PDE10A: variants seen among roughly 807,000 people sequenced by gnomAD.
The protein encoded by PDE10A is phosphodiesterase 10A, also known as cAMP and cAMP-inhibited cGMP 3',5'-cyclic phosphodiesterase 10A.
In PDE10A, 39 loss-of-function variants were observed where a neutral mutation model predicts 97.7. The ratio of observed to expected loss-of-function variants is 0.40; its 90% confidence interval spans 0.31 to 0.52. PDE10A has a LOEUF of 0.52. Ranked by LOEUF, PDE10A falls within the 20% of genes least tolerant of loss-of-function variation. PDE10A has a pLI of 0.56. For missense variants in PDE10A, 731 were observed against 1,047.8 expected (o/e 0.70, Z 4.17); for synonymous variants, 371 against 376.8 (o/e 0.98, Z 0.18).
At chr6:165,943,005 A>C (rs1002754495) in intron 1 of PDE10A, among the ~76,000 whole-genome samples, 14 of 151,542 alleles carry the variant, frequency 9.2e-5, no homozygotes, top group African/African-American at 3.4e-4. Flanking sequence ...CATGCATTTC[A>C]TCAAGACAAG....
intron 1 of PDE10A, chr6:165,946,905 T>C (rs1165783059): frequency 6.6e-6 from 1 of 152,200 alleles, no homozygotes; most frequent in African/African-American, 2.4e-5. Context: ...TATAATTTTA[T>C]AACCATTTTT....
At chr6:165,972,871 T>C (rs979754543) in intron 1 of PDE10A, among the ~76,000 whole-genome samples, 2 of 152,194 alleles carry the variant, frequency 1.3e-5, no homozygotes, top group African/African-American at 2.4e-5. Context: ...CAATAAAAAA[T>C]GTGTTTGACA....
rs369818098 is a variant in PDE10A at position 165,593,107 on chromosome 6, T to TA, written c.866-49540dup. Among the ~76,000 whole-genome samples the TA allele has an allele frequency of 3.1e-3, 476 of 152,262 alleles. 4 individuals carry two copies. The highest frequency in any genetic ancestry group is 0.011 in the African/African-American group (456 of 41,544). On this transcript the variant is annotated intron_variant, in intron 1 of 21. Transcript: ENST00000539869. ...AATGTGGCACATACACACCACGGAA[T>TA]ACTATGCAGCCATAAAAAAGGGTGA...
At chr6:165,394,525 CAT>C (rs1371395550) in intron 15 of PDE10A, among the ~76,000 whole-genome samples, 4 of 152,136 alleles carry the variant, frequency 2.6e-5, no homozygotes, top group Non-Finnish European at 5.9e-5. Context: ...CCACAATAAA[CAT>C]ATGTGTGCAC....
In PDE10A at chr6:165,345,146, C is replaced by T. The variant is rs141829714; in HGVS notation, c.2784-1644G>A. On this transcript the variant is annotated intron_variant, in intron 18 of 21. Transcript: ENST00000539869. ...TATTAATTTATATTCACCAAAATAA[C>T]GTATATCATGGTGAAATAATCTAAT... Among the ~76,000 whole-genome samples, 1,185 of 151,960 alleles carry T rather than the reference C, an allele frequency of 7.8e-3. 14 individuals carry two copies. The highest frequency in any genetic ancestry group is 0.027 in the African/African-American group (1,114 of 41,426).
rs78031152 is a variant in PDE10A, at chr6:165,848,211, C to T, written c.-615+139318G>A. 8.2e-3 allele frequency among the ~76,000 whole-genome samples: 1,244 copies of T among 152,250 alleles called. 10 individuals are homozygous for T. Among genetic ancestry groups the T allele is most frequent in the Non-Finnish European group, 0.013 (867 of 68,034 alleles). On this transcript the variant is annotated intron_variant, in intron 1 of 19. Coordinates refer to the PDE10A transcript ENST00000366882. ...ATTCATTCTACAAGCACTTACTGAG[C>T]GCCCCCTATGTGGCGGGAATTGTTC...
intron 5 of PDE10A, among the ~76,000 whole-genome samples, chr6:165,437,754 C>T (rs962898735): frequency 6.6e-6 from 1 of 152,224 alleles, no homozygotes. Flanking sequence ...AACCTCACAA[C>T]ACACACTTGT....
At chr6:165,686,509 G>T (rs968312213) in intron 1 of PDE10A, among the ~76,000 whole-genome samples, 2 of 152,152 alleles carry the variant, frequency 1.3e-5, no homozygotes, top group Admixed American at 6.5e-5. Context: ...TAGTTCATGG[G>T]TTTTGATTTG....
chr6:165,532,077 A>T lies in PDE10A; in HGVS notation c.994+11363T>A, dbSNP rs182949478. 4.7e-4 allele frequency among the ~76,000 whole-genome samples: 71 copies of T among 152,298 alleles called. No homozygotes were observed. In the East Asian group the frequency reaches 6.4e-3, roughly 14 times the overall value. On this transcript the variant is annotated intron_variant, in intron 2 of 21. Coordinates refer to ENST00000539869, the MANE Select transcript of PDE10A (RefSeq NM_001385079.1). ...TTCATTGTATCCAAACTGTTGTTTG[A>T]ATTGAACTGTCATGCTAGCCAACCG...
intron 18 of PDE10A, among the ~76,000 whole-genome samples, chr6:165,347,568 G>C (rs901350033): frequency 5.3e-5 from 8 of 152,138 alleles, no homozygotes; most frequent in Non-Finnish European, 1.0e-4. Flanking sequence ...CTACCACAGA[G>C]GGAACTGCTG....
At chr6:165,707,480 T>G (rs1791742234) in intron 1 of PDE10A, among the ~76,000 whole-genome samples, 1 of 152,222 alleles carries the variant, frequency 6.6e-6, no homozygotes, top group Non-Finnish European at 1.5e-5. Context: ...TTTCACTGAA[T>G]TTTGGTTAAC....
intron 1 of PDE10A, among the ~76,000 whole-genome samples, chr6:165,687,377 T>A (rs549536795): frequency 2.6e-5 from 4 of 152,254 alleles, no homozygotes; most frequent in Non-Finnish European, 4.4e-5. Context: ...AAAGGGTCAC[T>A]ACACTGTATG....
At chr6:165,450,103 T>C (rs981710929) in intron 4 of PDE10A, 139 bp downstream of exon 4, 2 of 607,630 alleles carry the variant, frequency 3.3e-6, no homozygotes, top group Non-Finnish European at 5.7e-6. Flanking sequence ...CATAATAAAA[T>C]ATTTTCACTT....
At chr6:165,512,615 A>G (rs1205415482) in intron 2 of PDE10A, among the ~76,000 whole-genome samples, 2 of 151,986 alleles carry the variant, frequency 1.3e-5, no homozygotes, top group Non-Finnish European at 2.9e-5. Context: ...AATTGTTTCC[A>G]GTTTGGAGCT....
At chr6:165,687,052 G>A (rs527784227) in intron 1 of PDE10A, among the ~76,000 whole-genome samples, 2 of 152,376 alleles carry the variant, frequency 1.3e-5, no homozygotes, top group African/African-American at 4.8e-5. Context: ...GGAGAGACCT[G>A]GTAAAGTGTG....
At chr6:165,700,308 G>A (rs746531568) in intron 1 of PDE10A, among the ~76,000 whole-genome samples, 1 of 152,006 alleles carries the variant, frequency 6.6e-6, no homozygotes, top group Non-Finnish European at 1.5e-5. Context: ...GGGGTAGGGG[G>A]CAGGGTAGGG....
chr6:165,707,954 C>T (rs1483475310), intron 1 of PDE10A, among the ~76,000 whole-genome samples: 1 of 152,172 alleles, frequency 6.6e-6, no homozygotes, highest in East Asian at 1.9e-4. Flanking sequence ...GTTAGACTAT[C>T]GCCATGTGCG....
intron 1 of PDE10A, among the ~76,000 whole-genome samples, chr6:165,973,955 G>T (rs2128502001): frequency 6.6e-6 from 1 of 152,270 alleles, no homozygotes; most frequent in South Asian, 2.1e-4. Flanking sequence ...ATTGTCTGAA[G>T]CAAGATAGTT....
intron 1 of PDE10A, among the ~76,000 whole-genome samples, chr6:165,604,507 ACT>A (rs1203329907): frequency 8.5e-6 from 1 of 118,212 alleles, no homozygotes; most frequent in Non-Finnish European, 1.8e-5. Flanking sequence ...GACTGCACTT[ACT>A]CTCTTTGTTA....
Sources: gnomAD v4.1 joint callset for allele counts (sites outside exome capture counted in the v4.1 genomes callset) on GRCh38, gnomAD v4.1.1 for gene constraint, MANE v1.5 for transcripts, NCBI Gene and HGNC (gene_info 2026-07-23, HGNC 2026-07-21) for gene names.